The following NEXMIF variants were observed in gnomAD, a reference collection of about 807,000 sequenced individuals.
The protein encoded by NEXMIF is neurite extension and migration factor.
In NEXMIF, 8 loss-of-function variants were observed where a neutral mutation model predicts 62.1. The ratio of observed to expected loss-of-function variants is 0.13; its 90% CI spans 0.08 to 0.23. The LOEUF is 0.23. Among genes scored for constraint, NEXMIF ranks in the 10% least tolerant of loss-of-function variants. The pLI is 1.00. For missense variants in NEXMIF, 976 were observed against 1,113.3 expected, an observed-to-expected ratio of 0.88 and a Z score of 1.75; for synonymous variants, 404 against 416.6, an observed-to-expected ratio of 0.97 and a Z score of 0.37.
intron 1 of NEXMIF, among the ~76,000 whole-genome samples, chrX:74,854,912 GA>G (rs2080529355): frequency 8.9e-6 from 1 of 111,752 alleles, no homozygotes; most frequent in Non-Finnish European, 1.9e-5. Context: ...TGAAAGAAAT[GA>G]AACAGAAAAC....
At chrX:74,900,006 C>T (rs182480755) in intron 1 of NEXMIF, among the ~76,000 whole-genome samples, 36 of 110,901 alleles carry the variant, frequency 3.2e-4, no homozygotes, top group African/African-American at 1.1e-3. Flanking sequence ...AACCTAACAC[C>T]CTAAGTTTTA....
At chrX:74,823,658 GGA>G (rs1294150566) in intron 1 of NEXMIF, among the ~76,000 whole-genome samples, 1 of 107,292 alleles carries the variant, frequency 9.3e-6, no homozygotes, top group African/African-American at 3.4e-5. Flanking sequence ...AGAAAAAAAA[GGA>G]GAGAAAGAGA....
chrX:74,880,743 G>C (rs138150763), intron 1 of NEXMIF, among the ~76,000 whole-genome samples: 3 of 112,020 alleles, frequency 2.7e-5, no homozygotes, highest in African/African-American at 9.7e-5. Context: ...AAAGGGGCTT[G>C]AATTGGAGCC....
chrX:74,779,548 C>T (rs1464416459), intron 1 of NEXMIF, among the ~76,000 whole-genome samples: 2 of 111,510 alleles, frequency 1.8e-5, no homozygotes, highest in Admixed American at 1.9e-4. Flanking sequence ...AGCAGTCTTA[C>T]GTGGCACCAT....
chrX:74,881,359 G>A (rs2147358385), intron 1 of NEXMIF, among the ~76,000 whole-genome samples: 1 of 95,125 alleles, frequency 1.1e-5, no homozygotes, highest in South Asian at 5.2e-4. Context: ...TACTTAAATG[G>A]ATAAATTCCA....
chrX:74,749,704 C>G (rs2080136125), intron 1 of NEXMIF, among the ~76,000 whole-genome samples: 1 of 110,769 alleles, frequency 9.0e-6, no homozygotes, highest in African/African-American at 3.3e-5. Context: ...CCACTCCAAA[C>G]AAAATTAGTC....
chrX:74,763,613 T>C (rs758906060), intron 1 of NEXMIF, among the ~76,000 whole-genome samples: 2 of 111,962 alleles, frequency 1.8e-5, no homozygotes, highest in East Asian at 5.6e-4. Context: ...GGAATGTTTT[T>C]CCATTTGTTT....
intron 1 of NEXMIF, among the ~76,000 whole-genome samples, chrX:74,915,517 A>C (rs2080803614): frequency 8.9e-6 from 1 of 111,995 alleles, no homozygotes; most frequent in South Asian, 3.7e-4. Flanking sequence ...TACTCCTAGA[A>C]CCTGTGAATA....
chrX:74,799,716 G>A lies in NEXMIF; in HGVS notation c.-47-54019C>T, dbSNP rs1227537042. On this transcript the variant is annotated intron_variant, in intron 1 of 3. Transcript: ENST00000055682. ...CACGATCACGGCTCACTGCAACCTC[G>A]ACCTCCTGGGCTCAAGGGATACTCC... is the stretch of plus-strand genomic sequence containing the variant. Among the ~76,000 whole-genome samples, 4 of 111,474 alleles carry A rather than the reference G, an allele frequency of 3.6e-5. No homozygotes were observed. In the South Asian group the frequency reaches 1.5e-3, roughly 42 times the overall value.
intron 1 of NEXMIF, among the ~76,000 whole-genome samples, chrX:74,837,167 G>A (rs889473988): frequency 3.6e-5 from 4 of 111,598 alleles, no homozygotes; most frequent in African/African-American, 1.3e-4. Context: ...GCTGCTGCTG[G>A]GGGATAGGGG....
chrX:74,778,080 A>G (rs1192143353), intron 1 of NEXMIF, among the ~76,000 whole-genome samples: 2 of 111,637 alleles, frequency 1.8e-5, no homozygotes, highest in Non-Finnish European at 3.8e-5. Context: ...GTTTCAACCA[A>G]CTTATAAAGA....
chrX:74,797,388 A>G (rs2080315528), intron 1 of NEXMIF, among the ~76,000 whole-genome samples: 1 of 112,275 alleles, frequency 8.9e-6, no homozygotes, highest in Non-Finnish European at 1.9e-5. Flanking sequence ...AGTAATGTAC[A>G]GATGATAACA....
Position 74,877,031 on chromosome X carries a change from T to A in NEXMIF, c.-48+47852A>T, listed in dbSNP as rs775618910. On this transcript the variant is annotated intron_variant, in intron 1 of 3. Transcript: ENST00000055682. ...TGTTATGTGTGAATTTGATCCTGTCTTTACGATGTTAGCTGGGTATTTTGC... is the reference window on the plus strand; with the variant it reads ...TGTTATGTGTGAATTTGATCCTGTCATTACGATGTTAGCTGGGTATTTTGC... Among the ~76,000 whole-genome samples, 39 of 111,768 alleles carry A rather than the reference T, an allele frequency of 3.5e-4. No homozygotes were observed. In the South Asian group the frequency reaches 0.013, roughly 37 times the overall value.
intron 1 of NEXMIF, among the ~76,000 whole-genome samples, chrX:74,813,341 G>A (rs903824328): frequency 2.7e-5 from 3 of 111,061 alleles, no homozygotes; most frequent in Non-Finnish European, 3.8e-5. Context: ...TTCAATAAAA[G>A]AAAAGGAAAT....
intron 1 of NEXMIF, among the ~76,000 whole-genome samples, chrX:74,780,462 C>T (rs1395662395): frequency 9.2e-6 from 1 of 108,218 alleles, no homozygotes; most frequent in Non-Finnish European, 1.9e-5. Context: ...CTGGGCTTTA[C>T]CTCCTGGGCT....
chrX:74,881,796 G>C (rs1215302390), intron 1 of NEXMIF, among the ~76,000 whole-genome samples: 1 of 111,989 alleles, frequency 8.9e-6, no homozygotes, highest in Admixed American at 9.5e-5. Flanking sequence ...AATAGATGCA[G>C]AATTAACCAG....
intron 1 of NEXMIF, among the ~76,000 whole-genome samples, chrX:74,799,483 AAGACCAAGTAG>A (rs1401527604): frequency 8.9e-6 from 1 of 112,267 alleles, no homozygotes; most frequent in East Asian, 2.8e-4. Flanking sequence ...CATGGAATTA[AAGACCAAGTAG>A]AGTAGCCCCA....
rs768240523 is a variant in NEXMIF at position 74,878,397 on chromosome X, TCAGA to T, written c.-48+46482_-48+46485del. Among the ~76,000 whole-genome samples the T allele has an allele frequency of 6.0e-4, 67 of 112,446 alleles. 1 individual carries two copies. In the East Asian group the frequency reaches 0.017, roughly 29 times the overall value. On this transcript the variant is annotated intron_variant, in intron 1 of 3. Transcript: ENST00000055682. Reference sequence around the variant, plus strand: ...AGAACCACTGCTCTCTTCAAAGCTGTCAGACAGGGACATTTAAGTCGGCAGAGGT... The same window carrying T: ...AGAACCACTGCTCTCTTCAAAGCTGTCAGGGACATTTAAGTCGGCAGAGGT...
intron 1 of NEXMIF, among the ~76,000 whole-genome samples, chrX:74,830,959 GTTGT>G (rs1013201840): frequency 9.8e-6 from 1 of 102,205 alleles, no homozygotes; most frequent in Non-Finnish European, 2.2e-5. Flanking sequence ...TGGTGGCATC[GTTGT>G]TTTTTTTCAA....
Sources: gnomAD v4.1 joint callset for allele counts (sites outside exome capture counted in the v4.1 genomes callset) on GRCh38, gnomAD v4.1.1 for gene constraint, MANE v1.5 for transcripts, NCBI Gene and HGNC (gene_info 2026-07-23, HGNC 2026-07-21) for gene names.